BTBD8: variants seen among roughly 807,000 people sequenced by gnomAD.
The protein encoded by BTBD8 is BTB/POZ domain-containing protein 8.
A neutral mutation model predicts 162.9 loss-of-function variants in BTBD8; 110 were observed. That is an observed-to-expected ratio of 0.68 (90% CI 0.58 to 0.79). The LOEUF (loss-of-function observed/expected upper bound fraction) is 0.79, where lower values mean the gene tolerates loss of function less well. Ranked by LOEUF, BTBD8 falls within the 30% of genes least tolerant of loss-of-function variation. BTBD8 has a pLI of 0.00. For missense variants in BTBD8, 1,905 were observed against 2,085.4 expected, an observed-to-expected ratio of 0.91 and a Z score of 1.68; for synonymous variants, 667 against 716.1, an observed-to-expected ratio of 0.93 and a Z score of 1.10.
intron 10 of BTBD8, among the ~76,000 whole-genome samples, chr1:92,167,452 A>G (rs1164279926): frequency 6.6e-6 from 1 of 152,230 alleles, no homozygotes; most frequent in African/African-American, 2.4e-5. Context: ...TTGGCCAGTA[A>G]TACAATTATG....
intron 9 of BTBD8, among the ~76,000 whole-genome samples, chr1:92,154,263 C>G (rs1650108353): frequency 6.6e-6 from 1 of 152,112 alleles, no homozygotes; most frequent in African/African-American, 2.4e-5. Flanking sequence ...CTGCAGTAGT[C>G]CTTTCATAGC....
intron 5 of BTBD8, among the ~76,000 whole-genome samples, chr1:92,131,516 G>C (rs556303862): frequency 1.2e-4 from 19 of 152,258 alleles, no homozygotes; most frequent in African/African-American, 4.3e-4. Flanking sequence ...CAGAGGTCAG[G>C]AGTTCAGGAC....
At position 92,107,948 on chromosome 1, in the gene BTBD8, T is replaced by G; in HGVS notation, c.609T>G (p.Pro203=). The part of the protein sequence containing the change: ...GEDLLKLYVK[P]CCPDIDIFVD... ...ATTTATTGAAGCTTTATGTGAAACCTTGTTGCCCAGATATTGATATTTTTG... is the reference window on the plus strand; with the variant it reads ...ATTTATTGAAGCTTTATGTGAAACCGTGTTGCCCAGATATTGATATTTTTG... The change falls in exon 4 of 18, where the codon CCT becomes CCG. Residue 203 remains proline (P), a synonymous_variant. Transcript: ENST00000636805. 4 of 1,614,204 alleles carry G rather than the reference T, an allele frequency of 2.5e-6. No individual in the cohort carries two copies. Among genetic ancestry groups the G allele is most frequent in the Non-Finnish European group, 3.4e-6 (4 of 1,180,028 alleles).
chr1:92,163,874 C>T (rs2100662730), intron 9 of BTBD8, among the ~76,000 whole-genome samples: 1 of 152,158 alleles, frequency 6.6e-6, no homozygotes, highest in Non-Finnish European at 1.5e-5. Context: ...GTTTTCCAAG[C>T]TAAATTATGA....
chr1:92,112,595 T>A (rs1648928356), intron 4 of BTBD8, among the ~76,000 whole-genome samples: 1 of 151,798 alleles, frequency 6.6e-6, no homozygotes, highest in Admixed American at 6.5e-5. Context: ...TAATTCCTCA[T>A]TTTTTTCAAT....
chr1:92,139,545 A>G (rs1197731159), intron 6 of BTBD8, 115 bp downstream of exon 6: 2 of 1,389,338 alleles, frequency 1.4e-6, no homozygotes, highest in African/African-American at 1.5e-5. Context: ...CTATTATACT[A>G]TATCTTCAGT....
chr1:92,097,998 A>G (rs1244403693), intron 2 of BTBD8, among the ~76,000 whole-genome samples: 1 of 152,228 alleles, frequency 6.6e-6, no homozygotes, highest in Non-Finnish European at 1.5e-5. Flanking sequence ...TGTTGCCAAC[A>G]AGGGACACTC....
intron 9 of BTBD8, among the ~76,000 whole-genome samples, chr1:92,149,985 A>G (rs1340940440): frequency 6.6e-6 from 1 of 152,154 alleles, no homozygotes; most frequent in Non-Finnish European, 1.5e-5. Flanking sequence ...GCCCTGTGGA[A>G]TTCAAACTAC....
Position 92,147,249 on chromosome 1 carries a change from CT to C in BTBD8, c.1005del (p.Phe335LeufsTer5). On this transcript the variant is annotated frameshift_variant, in exon 8 of 18. Transcript: ENST00000636805. LOFTEE classifies it high-confidence loss of function. Reference protein sequence around the residue: ...IIAHSVGVESLFADCMKWIVK... With the variant: ...IIAHSVGVESXFADCMKWIVK... ...TGCTCATTCAGTTGGAGTGGAAAGT[CT>C]TTTTGCTGACTGCATGAAGTAAGTT... The C allele has an allele frequency of 6.2e-7, 1 of 1,610,572 alleles. No individual in the cohort carries two copies. The highest frequency in any genetic ancestry group is 8.5e-7 in the Non-Finnish European group (1 of 1,177,712).
chr1:92,125,708 CA>C, intron 4 of BTBD8: 1 of 419,996 alleles, frequency 2.4e-6, no homozygotes, highest in Non-Finnish European at 4.7e-6. Context: ...TGTCTTTAGC[CA>C]AAGCCATTGA....
intron 1 of BTBD8, among the ~76,000 whole-genome samples, chr1:92,085,482 C>T (rs919020305): frequency 3.9e-5 from 6 of 152,152 alleles, no homozygotes; most frequent in Non-Finnish European, 5.9e-5. Context: ...CTCCCAGTTA[C>T]TCAGGAGGCT....
intron 7 of BTBD8, among the ~76,000 whole-genome samples, chr1:92,144,292 AT>A (rs1452528275): frequency 4.4e-4 from 67 of 151,984 alleles, no homozygotes; most frequent in Admixed American, 4.3e-3. Flanking sequence ...TAATTATGCA[AT>A]TTTTTGGCTG....
chr1:92,122,522 G>A (rs531143205), intron 4 of BTBD8, among the ~76,000 whole-genome samples: 30 of 152,046 alleles, frequency 2.0e-4, no homozygotes, highest in African/African-American at 7.2e-4. Flanking sequence ...CTCCCAAAGT[G>A]CTGGGATTAC....
At position 92,177,863 on chromosome 1, in the gene BTBD8, A is replaced by G; in HGVS notation, c.2406A>G (p.Lys802=). The stretch of plus-strand genomic sequence containing the variant: ...TTACCAATGGAACTTCCAATAAAAA[A>G]AGTATTCATGAACAAGACACTAATG... ...SRVTNGTSNK[K]SIHEQDTNVN... The change falls in exon 15 of 18, where the codon AAA becomes AAG. Residue 802 remains lysine, a synonymous_variant. Transcript: ENST00000636805. The G allele has an allele frequency of 6.5e-7, 1 of 1,542,750 alleles. No homozygotes were observed. Among genetic ancestry groups the G allele is most frequent in the South Asian group, 1.2e-5 (1 of 83,806 alleles).
chr1:92,130,548 A>G (rs192965398), intron 5 of BTBD8, among the ~76,000 whole-genome samples: 1 of 142,950 alleles, frequency 7.0e-6, no homozygotes, highest in East Asian at 2.0e-4. Context: ...TTACACACAC[A>G]CACACACACA....
chr1:92,088,747 A>T lies in BTBD8; in HGVS notation c.199A>T (p.Thr67Ser). ...HTDVTFSVGCTLFKAHKAVLL... is the reference protein window; with the variant it reads ...HTDVTFSVGCSLFKAHKAVLL... ...AGATGTTACCTTCTCTGTGGGTTGTACTTTGTTCAAAGCACACAAAGCAGT... is the reference window on the plus strand; with the variant it reads ...AGATGTTACCTTCTCTGTGGGTTGTTCTTTGTTCAAAGCACACAAAGCAGT... Residue 67 changes from threonine to serine, a missense_variant, in exon 2 of 18, where the codon ACT (threonine) becomes TCT (serine). Coordinates refer to ENST00000636805, the MANE Select transcript of BTBD8 (RefSeq NM_001376131.1). 1 of 1,612,596 alleles carries T rather than the reference A, an allele frequency of 6.2e-7. No homozygotes were observed. Among genetic ancestry groups the T allele is most frequent in the African/African-American group, 1.3e-5 (1 of 75,018 alleles).
chr1:92,130,283 A>G (rs1557450343), intron 5 of BTBD8, among the ~76,000 whole-genome samples: 2 of 152,134 alleles, frequency 1.3e-5, no homozygotes, highest in Non-Finnish European at 2.9e-5. Flanking sequence ...ATATGACCAC[A>G]CTGGGGGTTA....
chr1:92,115,368 A>G (rs1290965070), intron 4 of BTBD8: 18 of 461,558 alleles, frequency 3.9e-5, no homozygotes, highest in South Asian at 3.1e-4. Flanking sequence ...GACATTGCTG[A>G]TGATCTTGAG....
intron 4 of BTBD8, among the ~76,000 whole-genome samples, chr1:92,121,929 C>G (rs965578154): frequency 6.6e-6 from 1 of 151,956 alleles, no homozygotes; most frequent in African/African-American, 2.4e-5. Flanking sequence ...CCTCAGCCTC[C>G]CAAGTAGTTG....
Sources: allele counts gnomAD v4.1 joint callset (sites outside exome capture counted in the v4.1 genomes callset), GRCh38; gene constraint gnomAD v4.1.1; transcripts MANE v1.5; gene names NCBI Gene and HGNC (gene_info 2026-07-23, HGNC 2026-07-21).